Variants in SNX1 observed in about 807,000 individuals in gnomAD.
The protein encoded by SNX1 is sorting nexin 1, also known as sorting nexin-1.
SNX1 carries 36 observed loss-of-function variants against 71.8 expected under a neutral mutation model. The ratio of observed to expected loss-of-function variants is 0.50; its 90% confidence interval spans 0.38 to 0.66. The LOEUF (loss-of-function observed/expected upper bound fraction) is 0.66, where lower values mean the gene tolerates loss of function less well. SNX1 is among the 30% of genes least tolerant of loss of function. The pLI is 0.00. For missense variants in SNX1, 612 were observed against 646.7 expected (o/e 0.95, Z 0.58); for synonymous variants, 254 against 240.7 (o/e 1.06, Z -0.51).
rs2081375167 is a variant in SNX1 at position 64,137,838 on chromosome 15, A to C, written c.*220A>C. The stretch of plus-strand genomic sequence containing the variant: ...GAGAATAGTTTCCTGCTTTAAGCAA[A>C]AGACCTACAATAGGTGGTGGAATTA... On this transcript the variant is annotated 3_prime_UTR_variant, in exon 15 of 15. Coordinates refer to ENST00000559844, the MANE Select transcript of SNX1 (RefSeq NM_003099.5). 2 of 1,414,512 alleles carry C rather than the reference A, an allele frequency of 1.4e-6. No homozygotes were observed. The highest frequency in any genetic ancestry group is 5.9e-5 in the Admixed American group (2 of 33,922). The allele number at this position is 1,414,512 out of a possible 1,614,324, so 87.6% of individuals were successfully genotyped here.
chr15:64,126,003 A>T (rs925768296), intron 5 of SNX1, 76 bp from the exon 6 acceptor site: 11 of 1,495,596 alleles, frequency 7.4e-6, no homozygotes, highest in Non-Finnish European at 6.5e-6. Flanking sequence ...GGTTTCTTTA[A>T]TGTCAATAGG....
chr15:64,111,785 T>C (rs534092005), intron 1 of SNX1, among the ~76,000 whole-genome samples: 27 of 152,232 alleles, frequency 1.8e-4, no homozygotes, highest in Non-Finnish European at 3.4e-4. Context: ...TTCACAACAC[T>C]GCAGTGCCAT....
chr15:64,107,815 G>A (rs1263294024), intron 1 of SNX1, among the ~76,000 whole-genome samples: 1 of 152,058 alleles, frequency 6.6e-6, no homozygotes, highest in Non-Finnish European at 1.5e-5. Flanking sequence ...TCATCACAGA[G>A]AATAGTTTCT....
chr15:64,118,029 A>G (rs2081150412), intron 2 of SNX1, 88 bp from the exon 3 acceptor site: 2 of 1,282,626 alleles, frequency 1.6e-6, no homozygotes, highest in East Asian at 2.4e-5. Context: ...AGTGCTTGCT[A>G]TTGTTCTTGT....
At position 64,134,535 on chromosome 15, in the gene SNX1, CAT is replaced by C. The variant is rs1454366340; in HGVS notation, c.1222-128_1222-127del. On this transcript the variant is annotated intron_variant, in intron 11 of 14. Transcript: ENST00000559844. This position sits in a 1 kb window ranked among gnomAD's most constrained non-coding sequence, Gnocchi z 4.1. ...ATTAAACTTCCCAGCTGGGCACTAA[CAT>C]GTGGCTGCAGAACCTGCCCTTGCTC... 5.5e-6 allele frequency: 6 copies of C among 1,093,662 alleles called. No homozygotes were observed. Among genetic ancestry groups the C allele is most frequent in the Non-Finnish European group, 6.4e-6 (5 of 775,840 alleles). The allele number at this position is 1,093,662 out of a possible 1,614,324, so 67.7% of individuals were successfully genotyped here. A position where few individuals can be genotyped will look rare whatever the true frequency, so the allele number is the denominator to read the frequency against.
intron 1 of SNX1, among the ~76,000 whole-genome samples, chr15:64,101,694 G>A (rs905943412): frequency 1.3e-5 from 2 of 152,086 alleles, no homozygotes; most frequent in Non-Finnish European, 2.9e-5. Flanking sequence ...TGCTTTCCAT[G>A]GTAGTTGCAC....
chr15:64,130,660 A>G lies in SNX1; in HGVS notation c.1015+339A>G, dbSNP rs369530730. ...CTTGAGCTACATGGTCAAACCAGCA[A>G]TGCGTAAATGCAAGGAAACCACCTG... On this transcript the variant is annotated intron_variant, in intron 10 of 14. Coordinates refer to ENST00000559844, the MANE Select transcript of SNX1 (RefSeq NM_003099.5). 2.4e-4 allele frequency among the ~76,000 whole-genome samples: 36 copies of G among 152,242 alleles called. 1 individual carries two copies. In the East Asian group the frequency reaches 2.7e-3, roughly 11 times the overall value.
chr15:64,123,433 G>C, intron 4 of SNX1, 70 bp from the exon 5 acceptor site: 2 of 1,343,404 alleles, frequency 1.5e-6, no homozygotes, highest in Non-Finnish European at 2.1e-6. Context: ...ATGATTCCTG[G>C]TCAAATGTTA....
intron 2 of SNX1, among the ~76,000 whole-genome samples, chr15:64,113,548 A>G (rs1325224785): frequency 6.6e-6 from 1 of 152,154 alleles, no homozygotes; most frequent in Non-Finnish European, 1.5e-5. Context: ...GGCCAGGCAC[A>G]GTGGCTCACA....
chr15:64,127,207 C>A lies in SNX1; in HGVS notation c.686C>A (p.Ser229Tyr), dbSNP rs535080872. ...MTKVKVGKEDSSSAEFLEKRR... is the reference protein window; with the variant it reads ...MTKVKVGKEDYSSAEFLEKRR... The stretch of plus-strand genomic sequence containing the variant: ...AAAGTGAAAGTTGGGAAGGAAGATT[C>A]TTCTTCTGCAGAATTTCTTGAAAAA... The change falls in exon 7 of 15, where the codon TCT becomes TAT. Residue 229 changes from serine (S) to tyrosine (Y), a missense_variant. Transcript: ENST00000559844. The A allele has an allele frequency of 1.2e-6, 2 of 1,613,308 alleles. No individual in the cohort carries two copies. Among genetic ancestry groups the A allele is most frequent in the African/African-American group, 1.3e-5 (1 of 74,886 alleles).
At position 64,142,831 on chromosome 15, in the gene SNX1, C is replaced by T; in HGVS notation, c.*5213C>T. On this transcript the variant is annotated 3_prime_UTR_variant, in exon 15 of 15. Transcript: ENST00000559844. The stretch of plus-strand genomic sequence containing the variant: ...ACGGGAATAAGAATTGTCGCCTACA[C>T]AAAAATACCAGCAACTGTTAACTCT... The T allele has an allele frequency of 2.9e-6, 1 of 343,218 alleles. No individual in the cohort carries two copies. Among genetic ancestry groups the T allele is most frequent in the Non-Finnish European group, 5.9e-6 (1 of 170,696 alleles). 21.3% of individuals were successfully genotyped at this position (343,218 alleles called of 1,614,324 possible). A position where few individuals can be genotyped will look rare whatever the true frequency, so the allele number is the denominator to read the frequency against.
chr15:64,121,506 C>G (rs148200704), intron 4 of SNX1, among the ~76,000 whole-genome samples: 137 of 152,336 alleles, frequency 9.0e-4, no homozygotes, highest in Middle Eastern at 3.4e-3. Context: ...CACATTCCCT[C>G]TTTAACAAAT....
chr15:64,118,189 C>A lies in SNX1; in HGVS notation c.344C>A (p.Ser115Tyr), dbSNP rs1049501. ...AAGGTGCTAGCCAAAACACTCATTTCTCTTCCTCCTCAGGAAGCCACAAAT... is the reference window on the plus strand; with the variant it reads ...AAGGTGCTAGCCAAAACACTCATTTATCTTCCTCCTCAGGAAGCCACAAAT... The part of the protein sequence containing the change: ...QKKVLAKTLI[S>Y]LPPQEATNSS... Residue 115 changes from serine (S) to tyrosine (Y), a missense_variant, in exon 3 of 15, where the codon TCT becomes TAT. Ser to Tyr is a moderately radical substitution (Grantham distance 144). This residue lies in a region of SNX1 where 316 missense variants were observed against 284.9 expected (regional missense o/e 1.11). Coordinates refer to ENST00000559844, the MANE Select transcript of SNX1 (RefSeq NM_003099.5). 6 of 1,613,614 alleles carry A rather than the reference C, an allele frequency of 3.7e-6. No individual in the cohort carries two copies. Among genetic ancestry groups the A allele is most frequent in the Admixed American group, 3.3e-5 (2 of 59,810 alleles).
At chr15:64,124,235 G>A (rs953949929) in intron 5 of SNX1, among the ~76,000 whole-genome samples, 15 of 147,080 alleles carry the variant, frequency 1.0e-4, no homozygotes, top group Admixed American at 8.1e-4. Context: ...GGCCGGTCAC[G>A]GTGGCTCACG....
intron 1 of SNX1, among the ~76,000 whole-genome samples, chr15:64,108,962 T>G: frequency 6.9e-6 from 1 of 144,096 alleles, no homozygotes; most frequent in African/African-American, 2.6e-5. Context: ...CATTCCAGGC[T>G]AGGTGACAGA....
intron 5 of SNX1, among the ~76,000 whole-genome samples, chr15:64,124,737 G>T (rs1037041556): frequency 3.9e-5 from 6 of 152,150 alleles, no homozygotes; most frequent in Non-Finnish European, 8.8e-5. Flanking sequence ...TCTAGAGTAT[G>T]TAACCAGGAG....
intron 1 of SNX1, among the ~76,000 whole-genome samples, chr15:64,107,483 A>T (rs1357017233): frequency 6.6e-6 from 1 of 152,156 alleles, no homozygotes; most frequent in African/African-American, 2.4e-5. Flanking sequence ...AGCTAAGAAA[A>T]TTGTGCTAGT....
chr15:64,138,108 T>C lies in SNX1; in HGVS notation c.*490T>C. On this transcript the variant is annotated 3_prime_UTR_variant, in exon 15 of 15. Transcript: ENST00000559844. The stretch of plus-strand genomic sequence containing the variant: ...CAAGAAGTTGCCCAGGTATAGTAAG[T>C]TTTTCTCTACCGTTCACAAGTTTTG... The C allele has an allele frequency of 3.9e-6, 6 of 1,535,804 alleles. No homozygotes were observed. Among genetic ancestry groups the C allele is most frequent in the Non-Finnish European group, 4.4e-6 (5 of 1,146,850 alleles).
chr15:64,103,491 G>C (rs1293674035), intron 1 of SNX1, among the ~76,000 whole-genome samples: 1 of 152,124 alleles, frequency 6.6e-6, no homozygotes, highest in Non-Finnish European at 1.5e-5. Flanking sequence ...AAATTGTATG[G>C]TTTGGGGAAT....
Sources: allele counts gnomAD v4.1 joint callset (sites outside exome capture counted in the v4.1 genomes callset), GRCh38; gene constraint gnomAD v4.1.1; regional missense constraint gnomAD v4.1.1; non-coding constraint Gnocchi (gnomAD v3.1); transcripts MANE v1.5; gene names NCBI Gene and HGNC (gene_info 2026-07-23, HGNC 2026-07-21).